The following MEF2C variants were observed in gnomAD, a reference collection of about 807,000 sequenced individuals.
MEF2C encodes the protein myocyte-specific enhancer factor 2C.
In MEF2C, 6 loss-of-function variants were observed where a neutral mutation model predicts 50.5. That is an observed-to-expected ratio of 0.12 (90% confidence interval 0.07 to 0.23). MEF2C has a LOEUF of 0.23. Ranked by LOEUF, MEF2C falls within the 10% of genes least tolerant of loss-of-function variation. The pLI is 1.00. For synonymous variants in MEF2C, 183 were observed against 228.0 expected, an observed-to-expected ratio of 0.80 and a Z score of 1.78; for missense variants, 276 against 605.0, an observed-to-expected ratio of 0.46 and a Z score of 5.70.
At chr5:88,738,655 C>T (rs573493369) in intron 6 of MEF2C, 24 of 985,256 alleles carry the variant, frequency 2.4e-5, no homozygotes, top group Non-Finnish European at 2.8e-5. Context: ...CTTTCTATGT[C>T]GAGTCTCATT....
intron 3 of MEF2C, among the ~76,000 whole-genome samples, chr5:88,765,594 G>A (rs748858268): frequency 1.3e-5 from 2 of 152,042 alleles, no homozygotes; most frequent in Non-Finnish European, 1.5e-5. Context: ...TTATTCCTTC[G>A]GGCCCTTTTC....
chr5:88,893,481 C>G (rs934847705), intron 1 of MEF2C, among the ~76,000 whole-genome samples: 1 of 151,742 alleles, frequency 6.6e-6, no homozygotes, highest in Non-Finnish European at 1.5e-5. Context: ...CTTTGGCCTC[C>G]CAAAGTGCTG....
At chr5:88,809,870 T>C (rs1802049599) in intron 2 of MEF2C, among the ~76,000 whole-genome samples, 1 of 152,314 alleles carries the variant, frequency 6.6e-6, no homozygotes, top group Non-Finnish European at 1.5e-5. Context: ...TGCCAACTTC[T>C]TTCTTTGATG....
At chr5:88,885,886 AC>A (rs985120022), upstream of MEF2C, among the ~76,000 whole-genome samples, 8 of 152,172 alleles carry the variant, frequency 5.3e-5, no homozygotes, top group African/African-American at 1.9e-4. Context: ...ACCACAGTAC[AC>A]TTCAGTTTTA....
chr5:88,838,250 T>C (rs1160188968), intron 1 of MEF2C, among the ~76,000 whole-genome samples: 3 of 152,180 alleles, frequency 2.0e-5, no homozygotes, highest in Non-Finnish European at 1.5e-5. Context: ...TCAACTCATC[T>C]CACATTTTCT....
chr5:88,734,576 T>TTTG, intron 6 of MEF2C: 1 of 856,638 alleles, frequency 1.2e-6, no homozygotes, highest in Non-Finnish European at 1.4e-6. Flanking sequence ...TTTTTTTTTT[T>TTTG]TTTTTTTTTT....
chr5:88,902,332 A>C (rs967734259), intron 1 of MEF2C, among the ~76,000 whole-genome samples: 5 of 151,914 alleles, frequency 3.3e-5, no homozygotes, highest in African/African-American at 2.4e-5. Context: ...CAATAAATAC[A>C]CATATATTTT....
chr5:88,784,340 ATC>A (rs930376814), intron 3 of MEF2C, among the ~76,000 whole-genome samples: 6 of 152,234 alleles, frequency 3.9e-5, no homozygotes, highest in African/African-American at 7.2e-5. Context: ...AATAATTTAT[ATC>A]TGTTTACTGT....
chr5:88,771,184 G>A (rs1262918019), intron 3 of MEF2C, among the ~76,000 whole-genome samples: 1 of 152,224 alleles, frequency 6.6e-6, no homozygotes, highest in African/African-American at 2.4e-5. Flanking sequence ...CCCATGACAT[G>A]TGGGGACTGT....
chr5:88,724,769 A>G (rs923898217), intron 10 of MEF2C, among the ~76,000 whole-genome samples: 1 of 152,130 alleles, frequency 6.6e-6, no homozygotes, highest in Admixed American at 6.5e-5. Flanking sequence ...TTACTTAGTG[A>G]TTCATTCTGA....
intron 7 of MEF2C, 92 bp downstream of exon 7, chr5:88,731,637 G>T: frequency 1.7e-6 from 2 of 1,143,524 alleles, no homozygotes; most frequent in African/African-American, 1.5e-5. Flanking sequence ...CTGGGAGAAT[G>T]TTAAGTAATT....
chr5:88,855,709 C>T (rs1309195355), intron 1 of MEF2C, among the ~76,000 whole-genome samples: 1 of 152,204 alleles, frequency 6.6e-6, no homozygotes, highest in Non-Finnish European at 1.5e-5. Context: ...ATTCACTTGG[C>T]ACTCATTCTC....
chr5:88,838,327 T>C lies in MEF2C; in HGVS notation c.-142-14397A>G, dbSNP rs182621314. On this transcript the variant is annotated intron_variant, in intron 1 of 10. Coordinates refer to ENST00000504921, the MANE Select transcript of MEF2C (RefSeq NM_002397.5). ...AGGGGAATAGAATGTAAGTTAGATA[T>C]TTGTCTTTACTATTATAATTTACTG... 1.8e-3 allele frequency among the ~76,000 whole-genome samples: 270 copies of C among 152,164 alleles called. 1 individual carries two copies. Among genetic ancestry groups the C allele is most frequent in the Non-Finnish European group, 3.3e-3 (224 of 67,958 alleles).
At chr5:88,738,593 A>G (rs1765109684) in intron 6 of MEF2C, 2 of 984,234 alleles carry the variant, frequency 2.0e-6, no homozygotes, top group African/African-American at 1.7e-5. Context: ...GCCCTGAAGT[A>G]CAACACTACA....
At chr5:88,843,209 C>CTT (rs11417217) in intron 1 of MEF2C, 6,878 of 363,678 alleles carry the variant, frequency 0.019, 7 homozygotes, top group Non-Finnish European at 0.022. Flanking sequence ...ATTTTGCTTG[C>CTT]TTTTTTTTTT....
chr5:88,837,236 G>C (rs1815513687), intron 1 of MEF2C, among the ~76,000 whole-genome samples: 1 of 151,998 alleles, frequency 6.6e-6, no homozygotes, highest in African/African-American at 2.4e-5. Flanking sequence ...CCAATACTTG[G>C]CTCAGTGCTT....
intron 1 of MEF2C, among the ~76,000 whole-genome samples, chr5:88,867,167 GAATT>G (rs201377824): frequency 2.9e-4 from 44 of 152,254 alleles, no homozygotes; most frequent in East Asian, 7.7e-4. Flanking sequence ...CACAGGCCAA[GAATT>G]AATACACTTC....
intron 2 of MEF2C, among the ~76,000 whole-genome samples, chr5:88,815,683 C>T (rs1375327735): frequency 6.6e-6 from 1 of 152,006 alleles, no homozygotes; most frequent in East Asian, 1.9e-4. Flanking sequence ...AACAAGAATA[C>T]ATTGGGATGC....
intron 6 of MEF2C, chr5:88,748,303 C>T (rs1006385014): frequency 3.8e-6 from 2 of 523,286 alleles, no homozygotes; most frequent in South Asian, 8.4e-5. Flanking sequence ...TTCATGCCTG[C>T]CTCCTACTAT....
Sources: allele counts gnomAD v4.1 joint callset (sites outside exome capture counted in the v4.1 genomes callset), GRCh38; gene constraint gnomAD v4.1.1; transcripts MANE v1.5; gene names NCBI Gene and HGNC (gene_info 2026-07-23, HGNC 2026-07-21).